MBD5: variants seen among roughly 807,000 people sequenced by gnomAD.
MBD5 encodes methyl-CpG-binding domain protein 5.
A neutral mutation model predicts 117.3 loss-of-function variants in MBD5; 13 were observed. That is an observed-to-expected ratio of 0.11 (90% CI 0.07 to 0.18). MBD5 has a LOEUF of 0.18. Among genes scored for constraint, MBD5 ranks in the 10% least tolerant of loss-of-function variants. The pLI is 1.00. For missense variants in MBD5, 1,879 were observed against 2,093.8 expected, an observed-to-expected ratio of 0.90 and a Z score of 2.00; for synonymous variants, 727 against 766.4, an observed-to-expected ratio of 0.95 and a Z score of 0.85.
At chr2:148,037,725 C>T (rs921166793) in intron 1 of MBD5, among the ~76,000 whole-genome samples, 2 of 151,886 alleles carry the variant, frequency 1.3e-5, no homozygotes, top group Non-Finnish European at 2.9e-5. Flanking sequence ...GAGAAGCAAG[C>T]TCAGGTTTTT....
At position 148,483,568 on chromosome 2, in the gene MBD5, C is replaced by G; in HGVS notation, c.2977C>G (p.Leu993Val). The G allele has an allele frequency of 6.4e-7, 1 of 1,567,344 alleles. No homozygotes were observed. Among genetic ancestry groups the G allele is most frequent in the Non-Finnish European group, 8.6e-7 (1 of 1,156,156 alleles). Residue 993 changes from leucine to valine, a missense_variant, in exon 9 of 14, where the codon CTT becomes GTT. Physicochemically the swap from Leu to Val is conservative, Grantham distance 32. This residue lies in a region of MBD5 where 1,666 missense variants were observed against 1,792.2 expected (regional missense o/e 0.93). Transcript: ENST00000642680. ...TCACTTTCAGCTCTTAGCAGCCTTG[C>G]TTCAGAACCAAGCCCAAGCAGCTGC... ...PVHFQLLAAL[L>V]QNQAQAAAML...
At chr2:148,389,232 T>C (rs1233284604) in intron 4 of MBD5, among the ~76,000 whole-genome samples, 1 of 72,562 alleles carries the variant, frequency 1.4e-5, no homozygotes, top group Non-Finnish European at 2.7e-5. Context: ...TGTAATGTGA[T>C]ATAAATAGGA....
chr2:148,313,297 C>T (rs1460395028), intron 3 of MBD5, among the ~76,000 whole-genome samples: 1 of 152,130 alleles, frequency 6.6e-6, no homozygotes, highest in African/African-American at 2.4e-5. Context: ...GGTGGGAGTT[C>T]TATGTATAAG....
chr2:148,172,747 T>G (rs1032693688), intron 1 of MBD5, among the ~76,000 whole-genome samples: 1 of 152,172 alleles, frequency 6.6e-6, no homozygotes. Context: ...CCAGTCACCA[T>G]GTACTTCCTC....
At chr2:148,119,239 TG>T (rs776720403) in intron 1 of MBD5, among the ~76,000 whole-genome samples, 15 of 152,196 alleles carry the variant, frequency 9.9e-5, no homozygotes, top group Non-Finnish European at 1.6e-4. Flanking sequence ...CTCGTTGTTT[TG>T]ATTCACATTT....
At chr2:148,215,899 A>G (rs1317432371) in intron 2 of MBD5, among the ~76,000 whole-genome samples, 2 of 152,066 alleles carry the variant, frequency 1.3e-5, no homozygotes, top group Non-Finnish European at 1.5e-5. Flanking sequence ...ATAAATTGCA[A>G]AACTACTTTG....
intron 4 of MBD5, among the ~76,000 whole-genome samples, chr2:148,350,984 A>G (rs982778360): frequency 2.6e-5 from 4 of 152,008 alleles, no homozygotes; most frequent in Non-Finnish European, 4.4e-5. Flanking sequence ...ATATTTTCCA[A>G]TTTCCTATGA....
At chr2:148,154,524 C>T (rs77075867) in intron 1 of MBD5, among the ~76,000 whole-genome samples, 10 of 152,302 alleles carry the variant, frequency 6.6e-5, no homozygotes, top group South Asian at 2.1e-4. Context: ...GGCGCCCCTC[C>T]CCCAGCCTGG....
chr2:148,110,047 T>G (rs753109908), intron 1 of MBD5, among the ~76,000 whole-genome samples: 15 of 152,222 alleles, frequency 9.9e-5, no homozygotes, highest in South Asian at 4.1e-4. Context: ...TACTTTGTTG[T>G]CATTTACTAT....
At chr2:148,399,260 C>T (rs1171499877) in intron 4 of MBD5, among the ~76,000 whole-genome samples, 9 of 152,160 alleles carry the variant, frequency 5.9e-5, no homozygotes, top group African/African-American at 1.4e-4. Context: ...TCCATTTTCA[C>T]GATATTTATT....
intron 4 of MBD5, among the ~76,000 whole-genome samples, chr2:148,401,099 C>A (rs914250474): frequency 1.3e-5 from 2 of 152,170 alleles, no homozygotes; most frequent in South Asian, 4.1e-4. Context: ...TGCGAAATAC[C>A]TTCTTAAAAT....
chr2:148,449,334 C>T (rs1706657511), intron 4 of MBD5, among the ~76,000 whole-genome samples: 1 of 152,024 alleles, frequency 6.6e-6, no homozygotes, highest in Admixed American at 6.6e-5. Context: ...TTCTCTGCCT[C>T]AACTGCTTTT....
chr2:148,458,637 T>G lies in MBD5; in HGVS notation c.-122T>G, dbSNP rs1250760988. ...AACTGAGCTGAAGCTTCCCAATGCG[T>G]TTTGTACAGTCTGGGAAAAACTGTG... On this transcript the variant is annotated 5_prime_UTR_variant, in exon 5 of 14. Coordinates refer to ENST00000642680, the MANE Select transcript of MBD5 (RefSeq NM_001378120.1). The G allele has an allele frequency of 3.7e-6, 3 of 818,762 alleles. No homozygotes were observed. The East Asian group carries it at 7.6e-5, about 21-fold the overall frequency. The allele number at this position is 818,762 out of a possible 1,614,324, so 50.7% of individuals were successfully genotyped here. A position where few individuals can be genotyped will look rare whatever the true frequency, so the allele number is the denominator to read the frequency against.
intron 1 of MBD5, among the ~76,000 whole-genome samples, chr2:148,175,365 G>A (rs75508286): frequency 0.012 from 1,873 of 152,266 alleles, 45 homozygotes; most frequent in African/African-American, 0.043. Context: ...AATGGATCTT[G>A]ATGTGATTAG....
chr2:148,157,013 A>G (rs1268966404), intron 1 of MBD5, among the ~76,000 whole-genome samples: 7 of 152,218 alleles, frequency 4.6e-5, no homozygotes, highest in Non-Finnish European at 5.9e-5. Context: ...TATAGTTTAT[A>G]CGATTTTTAA....
chr2:148,084,590 G>A (rs955323182), intron 1 of MBD5, among the ~76,000 whole-genome samples: 4 of 152,080 alleles, frequency 2.6e-5, no homozygotes, highest in Non-Finnish European at 5.9e-5. Flanking sequence ...AATAGGTTCT[G>A]CCTTTTTTTA....
chr2:148,204,759 C>CA (rs1699234459), intron 2 of MBD5, among the ~76,000 whole-genome samples: 1 of 152,038 alleles, frequency 6.6e-6, no homozygotes, highest in Admixed American at 6.6e-5. Flanking sequence ...TTGAACTCAA[C>CA]AAATATAAAG....
intron 2 of MBD5, among the ~76,000 whole-genome samples, chr2:148,221,482 T>C (rs1354438336): frequency 6.6e-6 from 1 of 152,172 alleles, no homozygotes; most frequent in Non-Finnish European, 1.5e-5. Flanking sequence ...GATATCTCAT[T>C]GTAGTTTGGA....
intron 1 of MBD5, among the ~76,000 whole-genome samples, chr2:148,092,404 A>G (rs1695966586): frequency 6.6e-6 from 1 of 152,214 alleles, no homozygotes; most frequent in African/African-American, 2.4e-5. Context: ...AAAAATAAAG[A>G]ACCAGCCTAA....
Sources: allele counts gnomAD v4.1 joint callset (sites outside exome capture counted in the v4.1 genomes callset), GRCh38; gene constraint gnomAD v4.1.1; regional missense constraint gnomAD v4.1.1; transcripts MANE v1.5; gene names NCBI Gene and HGNC (gene_info 2026-07-23, HGNC 2026-07-21).